Variants in C16orf78 observed in about 807,000 individuals in gnomAD.
C16orf78 encodes uncharacterized protein C16orf78.
C16orf78 carries 19 observed loss-of-function variants against 27.3 expected under a neutral mutation model. The observed-to-expected ratio is 0.70, with a 90% CI of 0.49 to 1.02. The LOEUF (loss-of-function observed/expected upper bound fraction) is 1.02, where lower values mean the gene tolerates loss of function less well. Ranked by LOEUF, C16orf78 falls within the 50% of genes least tolerant of loss-of-function variation. The probability of loss-of-function intolerance (pLI) is 0.00; values close to 1 mark genes in which losing one functional copy is unlikely to be tolerated. For synonymous variants in C16orf78, 130 were observed against 116.1 expected (o/e 1.12, Z -0.77); for missense variants, 339 against 337.0 (o/e 1.01, Z -0.05).
chr16:49,385,747 T>C (rs1965342934), intron 3 of C16orf78, among the ~76,000 whole-genome samples: 1 of 149,554 alleles, frequency 6.7e-6, no homozygotes, highest in African/African-American at 2.5e-5. Flanking sequence ...AATAAAAACA[T>C]ACCGCTCCAA....
chr16:49,380,368 A>C (rs1418164263), intron 3 of C16orf78, among the ~76,000 whole-genome samples: 1 of 152,208 alleles, frequency 6.6e-6, no homozygotes, highest in Non-Finnish European at 1.5e-5. Context: ...CAAAATATTT[A>C]AGGTTTATTT....
intron 3 of C16orf78, among the ~76,000 whole-genome samples, chr16:49,388,019 T>G (rs939441433): frequency 5.3e-5 from 8 of 152,116 alleles, no homozygotes; most frequent in African/African-American, 1.9e-4. Context: ...CTGTGGTGGC[T>G]CACACCTGTA....
chr16:49,380,258 A>G (rs1208305730), intron 3 of C16orf78, among the ~76,000 whole-genome samples: 1 of 152,222 alleles, frequency 6.6e-6, no homozygotes, highest in Non-Finnish European at 1.5e-5. Flanking sequence ...CCTTGTGATC[A>G]TGTGAGTCAA....
chr16:49,395,751 T>C (rs1369813438), intron 3 of C16orf78, among the ~76,000 whole-genome samples: 4 of 152,200 alleles, frequency 2.6e-5, no homozygotes, highest in Non-Finnish European at 5.9e-5. Context: ...AGCTTTTCTC[T>C]TCTGATACCT....
intron 3 of C16orf78, among the ~76,000 whole-genome samples, chr16:49,387,741 A>G (rs1596927168): frequency 6.6e-6 from 1 of 152,302 alleles, no homozygotes. Context: ...GGAGCTCATT[A>G]TTAGTCTGTT....
At chr16:49,375,360 G>T (rs1383703874) in intron 1 of C16orf78, among the ~76,000 whole-genome samples, 1 of 152,062 alleles carries the variant, frequency 6.6e-6, no homozygotes, top group Non-Finnish European at 1.5e-5. Context: ...ATGTTTAATT[G>T]GCTCATGGCT....
chr16:49,380,309 G>T (rs1301142867), intron 3 of C16orf78, among the ~76,000 whole-genome samples: 1 of 152,124 alleles, frequency 6.6e-6, no homozygotes, highest in African/African-American at 2.4e-5. Context: ...CATCTATCCT[G>T]TTAGTTCTGA....
intron 3 of C16orf78, among the ~76,000 whole-genome samples, chr16:49,395,609 T>C (rs182996189): frequency 5.3e-4 from 80 of 152,324 alleles, no homozygotes; most frequent in African/African-American, 1.7e-3. Flanking sequence ...ACAAACCCCA[T>C]ATTTGGGTCA....
At chr16:49,379,248 C>T (rs1965259115) in intron 3 of C16orf78, among the ~76,000 whole-genome samples, 1 of 152,052 alleles carries the variant, frequency 6.6e-6, no homozygotes. Context: ...AGAGGAGGTG[C>T]TGAATAAATA....
chr16:49,394,299 T>C (rs1347865436), intron 3 of C16orf78, among the ~76,000 whole-genome samples: 1 of 152,154 alleles, frequency 6.6e-6, no homozygotes, highest in African/African-American at 2.4e-5. Context: ...CTAAAAATTT[T>C]TAGCAAACAT....
intron 3 of C16orf78, 74 bp downstream of exon 3, chr16:49,378,667 T>G: frequency 2.5e-6 from 4 of 1,591,362 alleles, no homozygotes; most frequent in Non-Finnish European, 3.4e-6. Context: ...AACCGAAAGC[T>G]CACGCCATTC....
intron 3 of C16orf78, among the ~76,000 whole-genome samples, chr16:49,387,358 G>T (rs981335994): frequency 6.6e-6 from 1 of 151,894 alleles, no homozygotes; most frequent in Non-Finnish European, 1.5e-5. Context: ...TTAGACCTTT[G>T]TCAGATGCAT....
chr16:49,398,913 C>T (rs2278026), intron 4 of C16orf78, among the ~76,000 whole-genome samples: 29,820 of 152,006 alleles, frequency 0.2, 3,223 homozygotes, highest in South Asian at 0.31. Flanking sequence ...TGGAGTCAAC[C>T]GACTGCCAAA....
intron 3 of C16orf78, among the ~76,000 whole-genome samples, chr16:49,381,501 T>G (rs1965286890): frequency 6.6e-6 from 1 of 152,168 alleles, no homozygotes; most frequent in Admixed American, 6.5e-5. Context: ...AAGAAAATTT[T>G]CGCAACCTAC....
intron 3 of C16orf78, among the ~76,000 whole-genome samples, chr16:49,392,730 C>T (rs1000587474): frequency 9.2e-5 from 14 of 152,016 alleles, no homozygotes; most frequent in Non-Finnish European, 1.8e-4. Context: ...AGTACATGTG[C>T]GGGTTTGTTA....
rs72776789 is a variant in C16orf78 at position 49,396,623 on chromosome 16, G to A, written c.595G>A (p.Glu199Lys). 24,056 of 1,613,430 alleles carry A rather than the reference G, an allele frequency of 0.015. 229 individuals are homozygous for A. The highest frequency in any genetic ancestry group is 0.016 in the Non-Finnish European group (19,368 of 1,180,016). The change falls in exon 4 of 5, where the codon GAA becomes AAA. Residue 199 changes from glutamate to lysine, a missense_variant. Transcript: ENST00000299191. ...AAAGAGCCTCATGGAGAAAAGCACCGAACCTAAGATGGAAACCATGAGGAT... is the reference window on the plus strand; with the variant it reads ...AAAGAGCCTCATGGAGAAAAGCACCAAACCTAAGATGGAAACCATGAGGAT... ...KLKSLMEKSTEPKMETMRMLK... is the reference protein window; with the variant it reads ...KLKSLMEKSTKPKMETMRMLK...
Position 49,392,178 on chromosome 16 carries a change from G to A in C16orf78, c.395-4245G>A, listed in dbSNP as rs375460979. Among the ~76,000 whole-genome samples, 7 of 152,102 alleles carry A rather than the reference G, an allele frequency of 4.6e-5. No homozygotes were observed. The East Asian group carries it at 5.8e-4, about 13-fold the overall frequency. On this transcript the variant is annotated intron_variant, in intron 3 of 4. Transcript: ENST00000299191. Reference sequence around the variant, plus strand: ...ACAGACAGAATAATTTACTTACAAGGGGAAAAAAATCAGCCTGCCATCAAC... The same window carrying A: ...ACAGACAGAATAATTTACTTACAAGAGGAAAAAAATCAGCCTGCCATCAAC...
intron 3 of C16orf78, among the ~76,000 whole-genome samples, chr16:49,386,643 A>G (rs1322178235): frequency 6.6e-6 from 1 of 151,914 alleles, no homozygotes; most frequent in African/African-American, 2.4e-5. Context: ...GTTCCCCTCT[A>G]TGTGGCCATG....
chr16:49,396,283 AAGCCACGAAAAG>A (rs1965471024), intron 3 of C16orf78, 128 bp from the exon 4 acceptor site: 1 of 933,748 alleles, frequency 1.1e-6, no homozygotes, highest in African/African-American at 1.7e-5. Flanking sequence ...GAACCTGTGG[AAGCCACGAAAAG>A]ACCTCATATC....
Sources: allele counts gnomAD v4.1 joint callset (sites outside exome capture counted in the v4.1 genomes callset), GRCh38; gene constraint gnomAD v4.1.1; transcripts MANE v1.5; gene names NCBI Gene and HGNC (gene_info 2026-07-23, HGNC 2026-07-21).